The following TASP1 variants were observed in gnomAD, a reference collection of about 807,000 sequenced individuals.
The protein encoded by TASP1 is threonine aspartase 1.
Under a neutral mutation model 56.6 loss-of-function variants are expected in TASP1, and 16 were observed. The observed-to-expected ratio is 0.28, with a 90% CI of 0.19 to 0.43. The LOEUF (loss-of-function observed/expected upper bound fraction) is 0.43, where lower values mean the gene tolerates loss of function less well. Ranked by LOEUF, TASP1 falls within the 20% of genes least tolerant of loss-of-function variation. The probability of loss-of-function intolerance (pLI) is 1.00; values close to 1 mark genes in which losing one functional copy is unlikely to be tolerated. For missense variants in TASP1, 393 were observed against 511.6 expected (o/e 0.77, Z 2.24); for synonymous variants, 179 against 184.2 (o/e 0.97, Z 0.23).
chr20:13,383,827 G>A, the TASP1 span, among the ~76,000 whole-genome samples: 2 of 152,178 alleles, frequency 1.3e-5, no homozygotes, highest in African/African-American at 2.4e-5. Flanking sequence ...CAGAATTGTG[G>A]GCAAATAAAA....
At chr20:13,611,875 A>C (rs1162291860) in intron 4 of TASP1, among the ~76,000 whole-genome samples, 1 of 152,176 alleles carries the variant, frequency 6.6e-6, no homozygotes, top group Non-Finnish European at 1.5e-5. Context: ...TTACATGTTG[A>C]CAACAAATTC....
intron 10 of TASP1, among the ~76,000 whole-genome samples, chr20:13,495,136 A>G (rs1246111133): frequency 6.6e-6 from 1 of 152,120 alleles, no homozygotes. Context: ...AGCCACATAT[A>G]TTAAATATTT....
rs1458261581 is a variant in TASP1, at chr20:13,534,058, T to G, written c.759A>C (p.Gly253=). Reference sequence around the variant, plus strand: ...TCCCCGGATGTTTCAAGGCCAAGCCTCCACTGGAGACAGCAGCAGCAACAT... The same window carrying G: ...TCCCCGGATGTTTCAAGGCCAAGCCGCCACTGGAGACAGCAGCAGCAACAT... ...EGNVAAAVSS[G]GLALKHPGRV... is the part of the protein sequence containing the mutation. The change falls in exon 9 of 14, where the codon GGA becomes GGC. Residue 253 remains glycine, a synonymous_variant. Transcript: ENST00000337743. The G allele has an allele frequency of 6.2e-7, 1 of 1,613,380 alleles. No homozygotes were observed. Among genetic ancestry groups the G allele is most frequent in the Non-Finnish European group, 8.5e-7 (1 of 1,179,636 alleles).
At position 13,480,379 on chromosome 20, in the gene TASP1, T is replaced by G. The variant is rs1205780465; in HGVS notation, c.985+2848A>C. Among the ~76,000 whole-genome samples, 9 of 152,204 alleles carry G rather than the reference T, an allele frequency of 5.9e-5. No homozygotes were observed. In the South Asian group the frequency reaches 1.7e-3, roughly 28 times the overall value. On this transcript the variant is annotated intron_variant, in intron 11 of 13. Coordinates refer to ENST00000337743, the MANE Select transcript of TASP1 (RefSeq NM_017714.3). ...TTATTTTTTAAATAAAAGGCAGTGTTTTCTTGCACAACAAACACCCACTGG... is the reference window on the plus strand; with the variant it reads ...TTATTTTTTAAATAAAAGGCAGTGTGTTCTTGCACAACAAACACCCACTGG...
the TASP1 span, among the ~76,000 whole-genome samples, chr20:13,302,743 G>A: frequency 3.3e-3 from 504 of 152,336 alleles, 1 homozygote; most frequent in African/African-American, 0.011. Flanking sequence ...CCCCTGGAAA[G>A]AGAGTTCTAG....
intron 8 of TASP1, among the ~76,000 whole-genome samples, chr20:13,556,868 A>G (rs144334720): frequency 4.1e-4 from 63 of 152,346 alleles, no homozygotes; most frequent in African/African-American, 1.4e-3. Context: ...AAGTTACTCT[A>G]TATCACATCA....
At chr20:13,608,456 A>T (rs1165395842) in intron 4 of TASP1, among the ~76,000 whole-genome samples, 1 of 152,244 alleles carries the variant, frequency 6.6e-6, no homozygotes, top group African/African-American at 2.4e-5. Context: ...TTTTCTGTAA[A>T]GGGCAAGATA....
chr20:13,485,822 T>C (rs2043302261), intron 10 of TASP1, among the ~76,000 whole-genome samples: 1 of 152,194 alleles, frequency 6.6e-6, no homozygotes, highest in Non-Finnish European at 1.5e-5. Flanking sequence ...TGTTACACTT[T>C]AGGACAATAA....
intron 13 of TASP1, among the ~76,000 whole-genome samples, chr20:13,416,130 C>T (rs754699680): frequency 1.3e-5 from 2 of 152,170 alleles, no homozygotes; most frequent in African/African-American, 4.8e-5. Flanking sequence ...ATCAAACTAG[C>T]CACATTTAAG....
At chr20:13,233,534 G>T in the TASP1 span, among the ~76,000 whole-genome samples, 1 of 148,736 alleles carries the variant, frequency 6.7e-6, no homozygotes, top group Non-Finnish European at 1.5e-5. Flanking sequence ...GCTAGAGGTT[G>T]CAATGAGCCA....
At chr20:13,415,478 A>G in intron 13 of TASP1, among the ~76,000 whole-genome samples, 1 of 123,208 alleles carries the variant, frequency 8.1e-6, no homozygotes. Context: ...AAGTATTTGT[A>G]GTCACAGGCT....
the TASP1 span, among the ~76,000 whole-genome samples, chr20:13,118,576 T>C: frequency 6.6e-6 from 1 of 151,498 alleles, no homozygotes; most frequent in Non-Finnish European, 1.5e-5. Context: ...ATCTGAACAA[T>C]GAGAGGATAG....
the TASP1 span, chr20:13,167,904 T>C: frequency 2.6e-5 from 4 of 152,196 alleles, no homozygotes; most frequent in African/African-American, 9.7e-5. Context: ...GATAAACCAA[T>C]TGACTCTAAT....
At chr20:13,286,774 C>T in the TASP1 span, among the ~76,000 whole-genome samples, 946 of 152,322 alleles carry the variant, frequency 6.2e-3, 12 homozygotes, top group African/African-American at 0.022. Flanking sequence ...AAGGCTGGCA[C>T]GGGCCCACAT....
intron 7 of TASP1, among the ~76,000 whole-genome samples, chr20:13,564,397 T>C (rs1360245078): frequency 2.6e-5 from 4 of 152,260 alleles, no homozygotes; most frequent in African/African-American, 9.6e-5. Context: ...AAAATACTTG[T>C]ATGCTGAAAA....
At chr20:13,333,163 A>G in the TASP1 span, among the ~76,000 whole-genome samples, 1 of 152,222 alleles carries the variant, frequency 6.6e-6, no homozygotes, top group Non-Finnish European at 1.5e-5. Context: ...CTGCCCATGG[A>G]TCACATGCCC....
At chr20:13,364,951 T>C in the TASP1 span, among the ~76,000 whole-genome samples, 4 of 152,130 alleles carry the variant, frequency 2.6e-5, no homozygotes, top group African/African-American at 9.7e-5. Context: ...GTTGAAATGG[T>C]TGCATGCCTA....
At chr20:13,534,996 T>C (rs1430076413) in intron 8 of TASP1, among the ~76,000 whole-genome samples, 2 of 152,306 alleles carry the variant, frequency 1.3e-5, no homozygotes, top group East Asian at 3.9e-4. Context: ...ATAGTAGTCA[T>C]GGTGGTGTTC....
At chr20:13,422,232 ATATT>A (rs900754632) in intron 12 of TASP1, among the ~76,000 whole-genome samples, 9 of 152,122 alleles carry the variant, frequency 5.9e-5, no homozygotes, top group Admixed American at 3.9e-4. Flanking sequence ...TCTTTTAAAA[ATATT>A]TATTTACTTA....
Sources: allele counts gnomAD v4.1 joint callset (sites outside exome capture counted in the v4.1 genomes callset), GRCh38; gene constraint gnomAD v4.1.1; transcripts MANE v1.5; gene names NCBI Gene and HGNC (gene_info 2026-07-23, HGNC 2026-07-21).